Variants in CPED1 observed in about 807,000 individuals in gnomAD.
The protein encoded by CPED1 is cadherin like and PC-esterase domain containing 1.
A neutral mutation model predicts 128.2 loss-of-function variants in CPED1; 114 were observed. That is an observed-to-expected ratio of 0.89 (90% confidence interval 0.76 to 1.04). CPED1 has a LOEUF of 1.04. CPED1 is among the 50% of genes least tolerant of loss of function. The pLI is 0.00. For missense variants in CPED1, 1,211 were observed against 1,207.1 expected (o/e 1.00, Z -0.05); for synonymous variants, 462 against 426.7 (o/e 1.08, Z -1.02).
chr7:121,043,592 A>G (rs1793114369), intron 3 of CPED1, among the ~76,000 whole-genome samples: 1 of 152,142 alleles, frequency 6.6e-6, no homozygotes, highest in Non-Finnish European at 1.5e-5. Context: ...GGAACACTCT[A>G]TTTTATGCCA....
intron 22 of CPED1, among the ~76,000 whole-genome samples, chr7:121,272,164 A>C (rs1433393406): frequency 6.6e-6 from 1 of 152,060 alleles, no homozygotes; most frequent in Non-Finnish European, 1.5e-5. Flanking sequence ...AGTCATTTCC[A>C]TCCCCCAGCT....
intron 22 of CPED1, among the ~76,000 whole-genome samples, chr7:121,278,696 G>A (rs1357256083): frequency 1.3e-5 from 2 of 152,258 alleles, no homozygotes; most frequent in South Asian, 2.1e-4. Flanking sequence ...CTGGTCATGA[G>A]GGAGCCCAGC....
intron 5 of CPED1, among the ~76,000 whole-genome samples, chr7:121,076,144 G>A (rs1794119736): frequency 6.6e-6 from 1 of 152,138 alleles, no homozygotes; most frequent in Non-Finnish European, 1.5e-5. Flanking sequence ...ATTAAGGAAG[G>A]GGAACACTGC....
intron 18 of CPED1, among the ~76,000 whole-genome samples, chr7:121,254,530 C>T (rs1040491567): frequency 1.3e-5 from 2 of 151,668 alleles, no homozygotes; most frequent in African/African-American, 4.8e-5. Context: ...TAAGCCAAAA[C>T]CTAGCAGAAA....
At chr7:121,282,236 G>A (rs1335921845) in intron 22 of CPED1, among the ~76,000 whole-genome samples, 1 of 152,134 alleles carries the variant, frequency 6.6e-6, no homozygotes, top group Non-Finnish European at 1.5e-5. Context: ...TTGTCTCTGT[G>A]TCAAGGCCTA....
At chr7:121,032,524 G>C (rs919889063) in intron 3 of CPED1, among the ~76,000 whole-genome samples, 1 of 149,804 alleles carries the variant, frequency 6.7e-6, no homozygotes, top group African/African-American at 2.5e-5. Context: ...TCATACCGCG[G>C]GGGGGGCCTG....
intron 7 of CPED1, among the ~76,000 whole-genome samples, chr7:121,108,602 T>C (rs2116255064): frequency 6.6e-6 from 1 of 151,716 alleles, no homozygotes; most frequent in South Asian, 2.1e-4. Context: ...TAATGTTTTT[T>C]TCATATAAGG....
At position 121,098,824 on chromosome 7, in the gene CPED1, TA is replaced by T. The variant is rs1246921586; in HGVS notation, c.749+996del. On this transcript the variant is annotated intron_variant, in intron 6 of 22. Coordinates refer to ENST00000310396, the MANE Select transcript of CPED1 (RefSeq NM_024913.5). ...TATAAATATATAAATAATATATATATAAATATATATATAAATATATATGTAT... is the reference window on the plus strand; with the variant it reads ...TATAAATATATAAATAATATATATATAATATATATATAAATATATATGTAT... Among the ~76,000 whole-genome samples the T allele has an allele frequency of 7.3e-4, 106 of 144,290 alleles. 1 individual carries two copies. Among genetic ancestry groups the T allele is most frequent in the African/African-American group, 2.6e-3 (101 of 39,542 alleles). 94.7% of individuals were successfully genotyped at this position (144,290 alleles called of 152,430 possible). A position where few individuals can be genotyped will look rare whatever the true frequency, so the allele number is the denominator to read the frequency against.
intron 4 of CPED1, among the ~76,000 whole-genome samples, chr7:121,060,686 C>G (rs1282908105): frequency 6.6e-6 from 1 of 152,206 alleles, no homozygotes; most frequent in Non-Finnish European, 1.5e-5. Context: ...CCTGTCAAAA[C>G]AGACTACTGG....
rs748212252 is a variant in CPED1 at position 120,989,600 on chromosome 7, G to A, written c.-22G>A. Reference sequence around the variant, plus strand: ...GACTTTTCCCGCAACGTGGACAGGGGCCAAGTGAAGCTGAACTGGTCATGG... The same window carrying A: ...GACTTTTCCCGCAACGTGGACAGGGACCAAGTGAAGCTGAACTGGTCATGG... On this transcript the variant is annotated 5_prime_UTR_variant, in exon 2 of 23. Coordinates refer to ENST00000310396, the MANE Select transcript of CPED1 (RefSeq NM_024913.5). 2.5e-6 allele frequency: 4 copies of A among 1,611,840 alleles called. No homozygotes were observed. The highest frequency in any genetic ancestry group is 1.1e-5 in the South Asian group (1 of 91,020).
chr7:121,206,119 A>G (rs1350573065), intron 16 of CPED1, among the ~76,000 whole-genome samples: 1 of 152,062 alleles, frequency 6.6e-6, no homozygotes, highest in East Asian at 1.9e-4. Context: ...TTCAACTGCT[A>G]AAGATAAATA....
At chr7:121,252,477 T>G (rs1425430793) in intron 18 of CPED1, among the ~76,000 whole-genome samples, 2 of 151,260 alleles carry the variant, frequency 1.3e-5, no homozygotes, top group Non-Finnish European at 3.0e-5. Flanking sequence ...GGGATCTAAT[T>G]AAACTAAAGA....
intron 16 of CPED1, among the ~76,000 whole-genome samples, chr7:121,208,137 C>G (rs910107363): frequency 6.6e-6 from 1 of 151,924 alleles, no homozygotes; most frequent in Non-Finnish European, 1.5e-5. Flanking sequence ...TAAAATCCTC[C>G]CACCATGTCC....
At chr7:121,108,088 A>G (rs1246529814) in intron 7 of CPED1, among the ~76,000 whole-genome samples, 1 of 152,124 alleles carries the variant, frequency 6.6e-6, no homozygotes, top group African/African-American at 2.4e-5. Context: ...AGATGGAGCA[A>G]AACAATTACT....
In CPED1 at chr7:121,100,075, A is replaced by G. The variant is rs200075911; in HGVS notation, c.899A>G (p.Lys300Arg). 1.2e-6 allele frequency: 2 copies of G among 1,613,576 alleles called. No individual in the cohort carries two copies. The highest frequency in any genetic ancestry group is 1.7e-6 in the Non-Finnish European group (2 of 1,179,734). The change falls in exon 7 of 23, where the codon AAA becomes AGA. Residue 300 changes from lysine to arginine, a missense_variant. Physicochemically the swap from Lys to Arg is conservative, Grantham distance 26. Transcript: ENST00000310396. The stretch of plus-strand genomic sequence containing the variant: ...GGCACAGTTTGGAATCCACCAAAGA[A>G]AAAACGCTTCACTGTCAAGGTAAGC... Reference protein sequence around the residue: ...STGTVWNPPKKKRFTVKLQTF... With the variant: ...STGTVWNPPKRKRFTVKLQTF...
At chr7:121,087,988 CTA>C (rs1794476084) in intron 5 of CPED1, among the ~76,000 whole-genome samples, 1 of 152,026 alleles carries the variant, frequency 6.6e-6, no homozygotes, top group East Asian at 1.9e-4. Flanking sequence ...AAAGCTAGGA[CTA>C]TACTTCCCTA....
intron 5 of CPED1, among the ~76,000 whole-genome samples, chr7:121,066,145 G>C (rs1793826173): frequency 6.6e-6 from 1 of 152,020 alleles, no homozygotes; most frequent in Non-Finnish European, 1.5e-5. Flanking sequence ...GATTATAAAG[G>C]TGTAATAGTA....
intron 4 of CPED1, 101 bp from the exon 5 acceptor site, chr7:121,064,137 A>G: frequency 1.3e-6 from 1 of 758,358 alleles, no homozygotes; most frequent in Non-Finnish European, 2.4e-6. Context: ...TGGTTTAGAC[A>G]GTGCATCCCA....
chr7:121,154,489 A>AT (rs1199496422), intron 16 of CPED1, among the ~76,000 whole-genome samples: 3 of 151,322 alleles, frequency 2.0e-5, no homozygotes, highest in Non-Finnish European at 4.4e-5. Flanking sequence ...TTTGATAAGG[A>AT]TTTTTATCAC....
Sources: gnomAD v4.1 joint callset for allele counts (sites outside exome capture counted in the v4.1 genomes callset) on GRCh38, gnomAD v4.1.1 for gene constraint, MANE v1.5 for transcripts, NCBI Gene and HGNC (gene_info 2026-07-23, HGNC 2026-07-21) for gene names.